Variants in HNRNPH1 observed in about 807,000 individuals in gnomAD.
HNRNPH1 encodes heterogeneous nuclear ribonucleoprotein H.
HNRNPH1 carries 4 observed loss-of-function variants against 58.6 expected under a neutral mutation model. The observed-to-expected ratio is 0.07, with a 90% CI of 0.03 to 0.16. The LOEUF (loss-of-function observed/expected upper bound fraction) is 0.16. HNRNPH1 is among the 10% of genes least tolerant of loss of function. HNRNPH1 has a pLI of 1.00. For missense variants in HNRNPH1, 271 were observed against 564.2 expected, an observed-to-expected ratio of 0.48 and a Z score of 5.26; for synonymous variants, 192 against 189.2, an observed-to-expected ratio of 1.01 and a Z score of -0.12.
intron 4 of HNRNPH1, 100 bp downstream of exon 5, chr5:179,619,169 G>C: frequency 9.6e-7 from 1 of 1,037,686 alleles, no homozygotes; most frequent in Non-Finnish European, 1.4e-6. Flanking sequence ...CAATTACCTA[G>C]GACTACAAAA....
At chr5:179,619,200 CAG>C (rs2127649135) in intron 4 of HNRNPH1, 67 bp downstream of exon 5, 4 of 1,303,664 alleles carry the variant, frequency 3.1e-6, no homozygotes, top group East Asian at 2.5e-5. Flanking sequence ...TTCTTTTAAG[CAG>C]AGAGAATATG....
At chr5:179,623,763 A>G (rs931526158) in exon 1 of HNRNPH1, 1 of 152,522 alleles carries the variant, frequency 6.6e-6, no homozygotes, top group Non-Finnish European at 1.5e-5. Context: ...TTGCGTCACA[A>G]AGAGCTCTGG....
At chr5:179,615,484 G>T in intron 12 of HNRNPH1, 62 bp downstream of exon 13, 2 of 907,384 alleles carry the variant, frequency 2.2e-6, no homozygotes, top group Non-Finnish European at 1.8e-6. Flanking sequence ...GCTATAGAAA[G>T]CATTATTACA....
chr5:179,630,649 C>G (rs1178274206), intron 2 of HNRNPH1, among the ~76,000 whole-genome samples: 1 of 151,714 alleles, frequency 6.6e-6, no homozygotes, highest in East Asian at 2.0e-4. Context: ...CGGGGGCTCA[C>G]GCCTGTAATC....
At position 179,614,942 on chromosome 5, in the gene HNRNPH1, T is replaced by C. The variant is rs951973888; in HGVS notation, c.*18A>G. 8 of 1,546,988 alleles carry C rather than the reference T, an allele frequency of 5.2e-6. No individual in the cohort carries two copies. In the Admixed American group the frequency reaches 9.8e-5, roughly 19 times the overall value. On this transcript the variant is annotated 3_prime_UTR_variant, in exon 13 of 13. Coordinates refer to ENST00000356731, the Ensembl canonical transcript of HNRNPH1. ...CTTCCACTACTGTAGTAGCTGCTGT[T>C]CACTGCTCCTTGGTTACCTGCAAAG...
intron 8 of HNRNPH1, 145 bp from the exon 10 acceptor site, chr5:179,617,255 CT>C: frequency 1.2e-6 from 1 of 825,254 alleles, no homozygotes; most frequent in Non-Finnish European, 1.9e-6. Context: ...AGGTGATCTA[CT>C]TTAACTCCAA....
intron 4 of HNRNPH1, 149 bp downstream of exon 5, chr5:179,619,120 C>T (rs1305567812): frequency 8.8e-6 from 6 of 678,738 alleles, no homozygotes; most frequent in South Asian, 7.8e-5. Context: ...TTGCGTGTAA[C>T]GTGGGACTGA....
upstream of HNRNPH1, among the ~76,000 whole-genome samples, chr5:179,625,536 T>C (rs1774309418): frequency 1.4e-5 from 2 of 145,776 alleles, no homozygotes; most frequent in Admixed American, 1.4e-4. Flanking sequence ...TGCATGCCTG[T>C]AATCCCAACC....
chr5:179,619,582 A>T, intron 3 of HNRNPH1, 175 bp from the exon 5 acceptor site: 1 of 549,790 alleles, frequency 1.8e-6, no homozygotes, highest in Middle Eastern at 3.0e-4. Context: ...CCATTATTAT[A>T]AAGTATAACT....
chr5:179,617,758 C>A, intron 7 of HNRNPH1, 41 bp downstream of exon 8: 1 of 1,610,300 alleles, frequency 6.2e-7, no homozygotes, highest in Non-Finnish European at 8.5e-7. Context: ...TGACTTACTG[C>A]CATACTGAAA....
At chr5:179,625,883 C>T (rs1774346493), upstream of HNRNPH1, among the ~76,000 whole-genome samples, 1 of 151,810 alleles carries the variant, frequency 6.6e-6, no homozygotes, top group Non-Finnish European at 1.5e-5. Flanking sequence ...ATCCTCCTGC[C>T]TCAGCCTCCT....
upstream of HNRNPH1, chr5:179,629,164 G>A (rs1444999860): frequency 1.3e-5 from 2 of 151,002 alleles, no homozygotes; most frequent in Non-Finnish European, 3.0e-5. Context: ...GGGCGTGGTG[G>A]CGGGCGCCTG....
chr5:179,621,073 T>C, intron 2 of HNRNPH1, 38 bp from the exon 4 acceptor site: 1 of 1,605,272 alleles, frequency 6.2e-7, no homozygotes, highest in Non-Finnish European at 8.5e-7. Context: ...TTTTGGAAAA[T>C]TAGATAACAA....
chr5:179,618,084 CAAATA>C (rs1250849903), intron 5 of HNRNPH1, 24 bp from the exon 7 acceptor site: 2 of 1,613,382 alleles, frequency 1.2e-6, no homozygotes, highest in Non-Finnish European at 1.7e-6. Flanking sequence ...TACAATCAAT[CAAATA>C]AAACACCTAG....
In HNRNPH1 at chr5:179,616,853, A is replaced by T; in HGVS notation, c.1207+16T>A. ...ATATAAACGTTTTGGTTTTTAAAAAAACTAACGATATTTACACAAGCCCAT... is the reference window on the plus strand; with the variant it reads ...ATATAAACGTTTTGGTTTTTAAAAATACTAACGATATTTACACAAGCCCAT... On this transcript the variant is annotated intron_variant, in intron 10 of 12. Coordinates refer to ENST00000356731, the Ensembl canonical transcript of HNRNPH1. 1.2e-6 allele frequency: 2 copies of T among 1,608,560 alleles called. No individual in the cohort carries two copies. Among genetic ancestry groups the T allele is most frequent in the Non-Finnish European group, 1.7e-6 (2 of 1,175,954 alleles).
At chr5:179,615,855 G>A (rs1769291850) in intron 11 of HNRNPH1, 1 of 519,296 alleles carries the variant, frequency 1.9e-6, no homozygotes. Context: ...GTATTCCAAA[G>A]CTGCAATGAC....
At chr5:179,614,382 A>C (rs1768427795) in exon 13 of HNRNPH1, 1 of 152,534 alleles carries the variant, frequency 6.6e-6, no homozygotes, top group Admixed American at 6.5e-5. Flanking sequence ...CGTGCCTTAC[A>C]GGTTATTAAA....
chr5:179,620,812 A>G, intron 3 of HNRNPH1, 80 bp downstream of exon 4: 3 of 1,235,248 alleles, frequency 2.4e-6, no homozygotes, highest in Non-Finnish European at 3.5e-6. Context: ...TACCTAAGCT[A>G]CTCAACTTTA....
chr5:179,628,698 G>A (rs1029560170), upstream of HNRNPH1, among the ~76,000 whole-genome samples: 21 of 152,114 alleles, frequency 1.4e-4, no homozygotes, highest in Non-Finnish European at 2.4e-4. Flanking sequence ...CTAGCTCTCT[G>A]GGAGGCCATG....
Sources: allele counts gnomAD v4.1 joint callset (sites outside exome capture counted in the v4.1 genomes callset), GRCh38; gene constraint gnomAD v4.1.1; transcripts MANE v1.5; gene names NCBI Gene and HGNC (gene_info 2026-07-23, HGNC 2026-07-21).